Variants in GRID2 observed in about 807,000 individuals in gnomAD.
The protein encoded by GRID2 is glutamate ionotropic receptor delta type subunit 2, also known as glutamate receptor ionotropic, delta-2.
A neutral mutation model predicts 114.8 loss-of-function variants in GRID2; 33 were observed. That is an observed-to-expected ratio of 0.29 (90% CI 0.22 to 0.38). The LOEUF (loss-of-function observed/expected upper bound fraction) is 0.38, where lower values mean the gene tolerates loss of function less well. Ranked by LOEUF, GRID2 falls within the 10% of genes least tolerant of loss-of-function variation. The probability of loss-of-function intolerance (pLI) is 1.00; values close to 1 mark genes in which losing one functional copy is unlikely to be tolerated. For missense variants in GRID2, 1,184 were observed against 1,257.7 expected (o/e 0.94, Z 0.89); for synonymous variants, 505 against 449.9 (o/e 1.12, Z -1.55).
chr4:92,461,793 C>T (rs1384784238), intron 1 of GRID2, among the ~76,000 whole-genome samples: 1 of 151,886 alleles, frequency 6.6e-6, no homozygotes, highest in Non-Finnish European at 1.5e-5. Flanking sequence ...AAGACATTTA[C>T]ACAGTGGTTC....
intron 2 of GRID2, among the ~76,000 whole-genome samples, chr4:92,645,755 C>T (rs1008371287): frequency 2.6e-5 from 4 of 151,632 alleles, no homozygotes; most frequent in Admixed American, 6.6e-5. Context: ...TCTTTCTTCC[C>T]TCAGGCTTTT....
intron 4 of GRID2, among the ~76,000 whole-genome samples, chr4:93,205,213 GTTTT>G (rs901069885): frequency 6.8e-6 from 1 of 146,798 alleles, no homozygotes; most frequent in South Asian, 2.2e-4. Flanking sequence ...GGTATAAAGT[GTTTT>G]TTTTTTATTT....
At chr4:92,327,224 T>C (rs548999575) in intron 1 of GRID2, among the ~76,000 whole-genome samples, 3 of 152,022 alleles carry the variant, frequency 2.0e-5, no homozygotes, top group Admixed American at 6.6e-5. Flanking sequence ...ATAGGCTCAG[T>C]GTCTACCCCT....
At chr4:92,976,586 C>A (rs1403135854) in intron 2 of GRID2, among the ~76,000 whole-genome samples, 1 of 152,054 alleles carries the variant, frequency 6.6e-6, no homozygotes, top group Non-Finnish European at 1.5e-5. Flanking sequence ...GCACACTATT[C>A]CCACTTCCCA....
chr4:92,503,553 T>C (rs1448757016), intron 1 of GRID2, among the ~76,000 whole-genome samples: 1 of 152,162 alleles, frequency 6.6e-6, no homozygotes, highest in Non-Finnish European at 1.5e-5. Flanking sequence ...TATCACTAAA[T>C]TGTTTCCATG....
intron 4 of GRID2, among the ~76,000 whole-genome samples, chr4:93,148,577 T>G (rs560887788): frequency 6.6e-6 from 1 of 152,298 alleles, no homozygotes; most frequent in Admixed American, 6.5e-5. Flanking sequence ...ATTAAGTATA[T>G]TTATTGAAGC....
At chr4:92,781,483 T>C (rs955290124) in intron 2 of GRID2, among the ~76,000 whole-genome samples, 10 of 152,120 alleles carry the variant, frequency 6.6e-5, no homozygotes, top group African/African-American at 2.4e-4. Context: ...TTCAAAGAGA[T>C]TGAAATCTTC....
In GRID2 at chr4:93,513,152, A is replaced by G. The variant is rs553812773; in HGVS notation, c.1998-2064A>G. On this transcript the variant is annotated intron_variant, in intron 12 of 15. Transcript: ENST00000282020. ...GTGACCTGCAATATGGGCTTTCTCC[A>G]ACTATAGACCTGCAGGTTCTAGATG... is the stretch of plus-strand genomic sequence containing the variant. 2.2e-4 allele frequency among the ~76,000 whole-genome samples: 34 copies of G among 152,280 alleles called. No individual in the cohort carries two copies. The East Asian group carries it at 6.4e-3, about 29-fold the overall frequency.
intron 9 of GRID2, among the ~76,000 whole-genome samples, chr4:93,409,220 A>G (rs1435698536): frequency 1.3e-5 from 2 of 152,202 alleles, no homozygotes; most frequent in Non-Finnish European, 2.9e-5. Flanking sequence ...CTACACATGC[A>G]TGTGAAGTCA....
intron 1 of GRID2, among the ~76,000 whole-genome samples, chr4:92,543,840 C>T (rs1235140862): frequency 1.3e-5 from 2 of 152,070 alleles, no homozygotes; most frequent in East Asian, 3.9e-4. Flanking sequence ...CAGAAATCAA[C>T]AGATCATTTT....
Position 93,772,494 on chromosome 4 carries a change from T to C in GRID2, c.3020T>C (p.Ile1007Thr), listed in dbSNP as rs1163679612. ...AATGATCCAGACCGAGGCACCTCCA[T>C]ATGAGCATCAAACAAATCTCTTCAC... ...LGNDPDRGTSI is the reference protein window; with the variant it reads ...LGNDPDRGTST The change falls in exon 16 of 16, where the codon ATA becomes ACA. Residue 1007 changes from isoleucine (I) to threonine (T), a missense_variant. Around this residue, in one of 3 missense-constraint regions of GRID2, gnomAD observed 717 missense variants for 796.9 expected, o/e 0.90. Transcript: ENST00000282020. 3 of 1,573,714 alleles carry C rather than the reference T, an allele frequency of 1.9e-6. No homozygotes were observed. The Admixed American group carries it at 5.5e-5, about 29-fold the overall frequency.
At chr4:92,731,958 A>T (rs2149325010) in intron 2 of GRID2, among the ~76,000 whole-genome samples, 1 of 152,096 alleles carries the variant, frequency 6.6e-6, no homozygotes, top group East Asian at 1.9e-4. Context: ...TAATTTTTTT[A>T]AATGTCACTG....
intron 10 of GRID2, among the ~76,000 whole-genome samples, chr4:93,452,704 C>T (rs897088124): frequency 2.6e-5 from 4 of 151,806 alleles, no homozygotes; most frequent in African/African-American, 4.8e-5. Flanking sequence ...TCTATGTTCT[C>T]TATATAATAA....
chr4:93,713,381 G>A (rs1728647698), intron 14 of GRID2, among the ~76,000 whole-genome samples: 2 of 151,902 alleles, frequency 1.3e-5, no homozygotes. Flanking sequence ...AAAATAGTTG[G>A]GGAGTTCAGG....
intron 1 of GRID2, among the ~76,000 whole-genome samples, chr4:92,384,609 A>ATATATGTTATATATTATATAATATATAT (rs1729831503): frequency 5.7e-5 from 3 of 52,216 alleles, no homozygotes. Flanking sequence ...ATAATATATA[A>ATATATGTTATATATTATATAATATATAT]TATATGTTAT....
At chr4:92,378,343 T>C (rs1729454278) in intron 1 of GRID2, among the ~76,000 whole-genome samples, 1 of 152,148 alleles carries the variant, frequency 6.6e-6, no homozygotes, top group Non-Finnish European at 1.5e-5. Context: ...ATATAAAGGA[T>C]TGACAACACT....
chr4:92,810,461 C>G (rs190982956), intron 2 of GRID2, among the ~76,000 whole-genome samples: 1 of 151,908 alleles, frequency 6.6e-6, no homozygotes, highest in Non-Finnish European at 1.5e-5. Context: ...ACTACTTGTA[C>G]CCCTGAAGCT....
intron 8 of GRID2, among the ~76,000 whole-genome samples, chr4:93,358,355 T>C (rs994805584): frequency 2.0e-5 from 3 of 152,042 alleles, no homozygotes; most frequent in Admixed American, 6.6e-5. Context: ...TTATTTTAAA[T>C]TGGTACATTT....
At chr4:93,787,968 T>C (rs996778014) in intron 1 of GRID2, among the ~76,000 whole-genome samples, 4 of 152,114 alleles carry the variant, frequency 2.6e-5, no homozygotes, top group African/African-American at 9.7e-5. Context: ...GGAAACATCA[T>C]AATTGAGATG....
Sources: gnomAD v4.1 joint callset for allele counts (sites outside exome capture counted in the v4.1 genomes callset) on GRCh38, gnomAD v4.1.1 for gene constraint, gnomAD v4.1.1 regional missense constraint, MANE v1.5 for transcripts, NCBI Gene and HGNC (gene_info 2026-07-23, HGNC 2026-07-21) for gene names.